The following MRPL55 variants were observed in gnomAD, a reference collection of about 807,000 sequenced individuals.
The protein encoded by MRPL55 is mitochondrial ribosomal protein L55.
In MRPL55, 7 loss-of-function variants were observed where a neutral mutation model predicts 10.6. The observed-to-expected ratio is 0.66, with a 90% CI of 0.38 to 1.24. The LOEUF is 1.24. Among genes scored for constraint, MRPL55 ranks in the 50% most tolerant of loss-of-function variants. The pLI, the probability that MRPL55 is intolerant of heterozygous loss-of-function variation, is 0.02. For synonymous variants in MRPL55, 57 were observed against 71.8 expected, an observed-to-expected ratio of 0.79 and a Z score of 1.04; for missense variants, 148 against 180.3, an observed-to-expected ratio of 0.82 and a Z score of 1.03.
chr1:228,107,234 C>G (rs2033219442), intron 4 of MRPL55, among the ~76,000 whole-genome samples: 1 of 152,044 alleles, frequency 6.6e-6, no homozygotes, highest in Non-Finnish European at 1.5e-5. Flanking sequence ...GCCTGGGCAA[C>G]ACAGAGAGAC....
rs2033298809 is a variant in MRPL55, at chr1:228,107,674, C to T, written c.222G>A (p.Met74Ile). The change falls in exon 4 of 5, where the codon ATG (methionine) becomes ATA (isoleucine). Residue 74 changes from methionine to isoleucine, a missense_variant. By Grantham distance (10) the Met-to-Ile change is conservative. Transcript: ENST00000336520. ...CCTGGAGAGGGAAGCTTACCGCCAG[C>T]ATGCGCCGTGGCTCCCTGTAGCGGA... is the stretch of plus-strand genomic sequence containing the variant. ...IHIRYREPRR[M>I]LAMPIDLDTL... 6.2e-7 allele frequency: 1 copy of T among 1,612,720 alleles called. No homozygotes were observed. The highest frequency in any genetic ancestry group is 8.5e-7 in the Non-Finnish European group (1 of 1,179,996).
At chr1:228,108,117 GA>G (rs749378901) in intron 3 of MRPL55, 117 bp downstream of exon 3, 2 of 1,531,948 alleles carry the variant, frequency 1.3e-6, no homozygotes, top group South Asian at 2.4e-5. Context: ...CAGCACAGGG[GA>G]CAGTGGACAA....
In MRPL55 at chr1:228,108,284, C is replaced by T; in HGVS notation, c.-24G>A. ...ATTCCTCCTTACAGCCCCAGTGGCA[C>T]GTGGAGGTGGTCAGTACAGGCCCTG... On this transcript the variant is annotated 5_prime_UTR_variant, in exon 3 of 5. It adds an upstream start codon to the 5' untranslated region. Transcript: ENST00000336520. 3 of 1,609,138 alleles carry T rather than the reference C, an allele frequency of 1.9e-6. No individual in the cohort carries two copies. Among genetic ancestry groups the T allele is most frequent in the East Asian group, 2.2e-5 (1 of 44,806 alleles).
chr1:228,106,990 G>A (rs2033188753), intron 4 of MRPL55, 72 bp from the exon 5 acceptor site: 9 of 1,273,372 alleles, frequency 7.1e-6, no homozygotes, highest in Non-Finnish European at 1.1e-6. Flanking sequence ...GACAGCCCAA[G>A]GCCTTCCTCT....
At chr1:228,107,980 A>G in intron 3 of MRPL55, 111 bp from the exon 4 acceptor site, 1 of 1,550,822 alleles carries the variant, frequency 6.4e-7, no homozygotes, top group Non-Finnish European at 8.7e-7. Flanking sequence ...ACATTACCAG[A>G]GCTGGTGACC....
Position 228,107,791 on chromosome 1 carries a change from G to A in MRPL55, c.105C>T (p.Ser35=), listed in dbSNP as rs376447034. The change falls in exon 4 of 5, where the codon AGC becomes AGT. Residue 35 remains serine (S), a synonymous_variant. Transcript: ENST00000336520. ...GCACACGAGTGAGTGAGGCCCTGCT[G>A]CTGTCAGCTCGCCAGGAGGATGTGT... ...RLHTSSWRAD[S]SRASLTRVHR... 7 of 1,613,178 alleles carry A rather than the reference G, an allele frequency of 4.3e-6. No individual in the cohort carries two copies. In the African/African-American group the frequency reaches 6.7e-5, roughly 15 times the overall value.
At chr1:228,107,015 C>T in intron 4 of MRPL55, 97 bp from the exon 5 acceptor site, 2 of 871,626 alleles carry the variant, frequency 2.3e-6, no homozygotes, top group Non-Finnish European at 3.6e-6. Context: ...TTACGTCTTC[C>T]ATCCTATGCT....
chr1:228,107,646 G>A, intron 4 of MRPL55, 22 bp downstream of exon 4: 4 of 1,610,934 alleles, frequency 2.5e-6, no homozygotes, highest in Non-Finnish European at 3.4e-6. Flanking sequence ...GCACCTGGAA[G>A]CACCTGGAGA....
intron 2 of MRPL55, 141 bp from the exon 3 acceptor site, chr1:228,108,459 G>C (rs1435317210): frequency 1.6e-6 from 1 of 618,686 alleles, no homozygotes; most frequent in East Asian, 2.9e-5. Flanking sequence ...GCAACCCTTG[G>C]ACTTCTCAGA....
Position 228,107,867 on chromosome 1 carries a change from C to T in MRPL55, c.29G>A (p.Arg10Gln), listed in dbSNP as rs777771261. The T allele has an allele frequency of 9.9e-6, 16 of 1,613,014 alleles. 1 individual carries two copies. The South Asian group carries it at 1.5e-4, about 15-fold the overall frequency. MAAVGSLLGRLRQSTVKATG... is the reference protein window; with the variant it reads MAAVGSLLGQLRQSTVKATG... Reference sequence around the variant, plus strand: ...GGCCTTCACGGTGCTCTGCCTCAGCCGGCTGCAGATAAATGTTCAAGCTCT... The same window carrying T: ...GGCCTTCACGGTGCTCTGCCTCAGCTGGCTGCAGATAAATGTTCAAGCTCT... The change falls in exon 4 of 5, where the codon CGG (arginine) becomes CAG (glutamine). Residue 10 changes from arginine (R) to glutamine (Q), a missense_variant and splice_region_variant. Physicochemically the swap from Arg to Gln is conservative, Grantham distance 43 (BLOSUM62 1). Coordinates refer to ENST00000336520, the MANE Select transcript of MRPL55 (RefSeq NM_181463.3).
intron 2 of MRPL55, chr1:228,108,564 C>A: frequency 9.1e-6 from 4 of 439,704 alleles, no homozygotes; most frequent in South Asian, 4.0e-5. Context: ...TCTGTTCTGG[C>A]CGTTACCGAG....
intron 4 of MRPL55, 115 bp downstream of exon 4, chr1:228,107,553 A>T: frequency 1.1e-6 from 1 of 946,928 alleles, no homozygotes; most frequent in Non-Finnish European, 1.7e-6. Flanking sequence ...GACTCCTGTC[A>T]TGTGGTACAG....
In MRPL55 at chr1:228,106,710, A is replaced by C. The variant is rs778915120; in HGVS notation, c.*50T>G. The C allele has an allele frequency of 1.3e-6, 2 of 1,564,246 alleles. No homozygotes were observed. Among genetic ancestry groups the C allele is most frequent in the Admixed American group, 1.8e-5 (1 of 56,992 alleles). Reference sequence around the variant, plus strand: ...TGGCAGCTTCAAGAACGAGTGATTTAAGAACAGCCCTCCCATCTTAGCAAT... The same window carrying C: ...TGGCAGCTTCAAGAACGAGTGATTTCAGAACAGCCCTCCCATCTTAGCAAT... On this transcript the variant is annotated 3_prime_UTR_variant, in exon 5 of 5. Coordinates refer to ENST00000336520, the MANE Select transcript of MRPL55 (RefSeq NM_181463.3).
rs758456605 is a variant in MRPL55 at position 228,107,798 on chromosome 1, G to C, written c.98C>G (p.Ala33Gly). Residue 33 changes from alanine to glycine, a missense_variant, in exon 4 of 5, where the codon GCT becomes GGT. Ala to Gly is a moderately conservative substitution (Grantham distance 60). Coordinates refer to ENST00000336520, the MANE Select transcript of MRPL55 (RefSeq NM_181463.3). ...AGTGAGTGAGGCCCTGCTGCTGTCA[G>C]CTCGCCAGGAGGATGTGTGCAGGCG... ...LRRLHTSSWR[A>G]DSSRASLTRV... The C allele has an allele frequency of 5.0e-6, 8 of 1,613,158 alleles. No individual in the cohort carries two copies. The highest frequency in any genetic ancestry group is 1.7e-5 in the Admixed American group (1 of 60,018).
chr1:228,107,973 T>A (rs1472120231), intron 3 of MRPL55, 104 bp from the exon 4 acceptor site: 2 of 1,553,234 alleles, frequency 1.3e-6, no homozygotes, highest in Non-Finnish European at 1.7e-6. Flanking sequence ...ACAGGAGACA[T>A]TACCAGAGCT....
At chr1:228,108,921 G>A (rs1262583949) in intron 2 of MRPL55, 34 bp downstream of exon 2, 1 of 152,830 alleles carries the variant, frequency 6.5e-6, no homozygotes, top group East Asian at 1.9e-4. Flanking sequence ...CCTGCTACGT[G>A]TCCTATGCCC....
At chr1:228,108,117 G>T (rs1558097603) in intron 3 of MRPL55, 118 bp downstream of exon 3, 2 of 1,531,948 alleles carry the variant, frequency 1.3e-6, no homozygotes, top group Non-Finnish European at 1.8e-6. Flanking sequence ...CAGCACAGGG[G>T]ACAGTGGACA....
chr1:228,106,749 T>C lies in MRPL55; in HGVS notation c.*11A>G, dbSNP rs368096867. 4.4e-6 allele frequency: 7 copies of C among 1,605,642 alleles called. No individual in the cohort carries two copies. The Admixed American group carries it at 6.7e-5, about 15-fold the overall frequency. On this transcript the variant is annotated 3_prime_UTR_variant, in exon 5 of 5. Transcript: ENST00000336520. The stretch of plus-strand genomic sequence containing the variant: ...CATCTTAGCAATGTCCCGGGGTGGC[T>C]GGAGCCACGGTCACTTCTTGGTCCT...
chr1:228,108,007 G>A (rs1362416554), intron 3 of MRPL55, 138 bp from the exon 4 acceptor site: 1 of 1,544,410 alleles, frequency 6.5e-7, no homozygotes, highest in Non-Finnish European at 8.8e-7. Flanking sequence ...GGGGCAGGAT[G>A]AGCCTCGGGG....
Sources: gnomAD v4.1 joint callset for allele counts (sites outside exome capture counted in the v4.1 genomes callset) on GRCh38, gnomAD v4.1.1 for gene constraint, MANE v1.5 for transcripts, NCBI Gene and HGNC (gene_info 2026-07-23, HGNC 2026-07-21) for gene names.